Variants in LARP4 observed in about 807,000 individuals in gnomAD.
LARP4 encodes the protein la-related protein 4.
Under a neutral mutation model 92.9 loss-of-function variants are expected in LARP4, and 29 were observed. The ratio of observed to expected loss-of-function variants is 0.31; its 90% CI spans 0.23 to 0.43. The LOEUF (loss-of-function observed/expected upper bound fraction) is 0.43, where lower values mean the gene tolerates loss of function less well. Ranked by LOEUF, LARP4 falls within the 20% of genes least tolerant of loss-of-function variation. The pLI is 1.00. For missense variants in LARP4, 732 were observed against 860.0 expected (o/e 0.85, Z 1.86); for synonymous variants, 279 against 284.1 (o/e 0.98, Z 0.18).
intron 4 of LARP4, among the ~76,000 whole-genome samples, chr12:50,432,644 G>A (rs1949824592): frequency 6.6e-6 from 1 of 152,130 alleles, no homozygotes; most frequent in African/African-American, 2.4e-5. Context: ...CGGATCACCT[G>A]AGGTGAGGAG....
At chr12:50,436,791 A>G (rs891059181) in intron 5 of LARP4, among the ~76,000 whole-genome samples, 1 of 152,246 alleles carries the variant, frequency 6.6e-6, no homozygotes, top group African/African-American at 2.4e-5. Flanking sequence ...TAAATATAGC[A>G]AGTCTGATAA....
chr12:50,433,888 C>A (rs1373195117), intron 4 of LARP4, among the ~76,000 whole-genome samples: 1 of 152,136 alleles, frequency 6.6e-6, no homozygotes, highest in Non-Finnish European at 1.5e-5. Flanking sequence ...GATCCACCCA[C>A]CTTTGCCTCC....
chr12:50,428,593 A>C (rs993579010), intron 2 of LARP4, among the ~76,000 whole-genome samples: 1 of 152,204 alleles, frequency 6.6e-6, no homozygotes, highest in East Asian at 1.9e-4. Context: ...ACCTTGGGCA[A>C]ATAACTTAAT....
At chr12:50,471,088 A>G (rs1212555420) in intron 13 of LARP4, among the ~76,000 whole-genome samples, 1 of 152,158 alleles carries the variant, frequency 6.6e-6, no homozygotes, top group Non-Finnish European at 1.5e-5. Context: ...CAAGAGTTTG[A>G]GACCAGCCTA....
chr12:50,449,978 G>A lies in LARP4; in HGVS notation c.805-3482G>A, dbSNP rs559547005. Among the ~76,000 whole-genome samples, 5 of 113,396 alleles carry A rather than the reference G, an allele frequency of 4.4e-5. No homozygotes were observed. In the Admixed American group the frequency reaches 6.8e-4, roughly 15 times the overall value. The allele number at this position is 113,396 out of a possible 152,430, so 74.4% of individuals were successfully genotyped here. A position where few individuals can be genotyped will look rare whatever the true frequency, so the allele number is the denominator to read the frequency against. On this transcript the variant is annotated intron_variant, in intron 8 of 15. Transcript: ENST00000398473. ...GAGATGGAGTTTTGCTCTGTTGCCA[G>A]ACTGGAGTGCAGTGGCACGATCTCA...
At position 50,429,004 on chromosome 12, in the gene LARP4, C is replaced by T. The variant is rs375805371; in HGVS notation, c.236C>T (p.Thr79Ile). 27 of 1,609,866 alleles carry T rather than the reference C, an allele frequency of 1.7e-5. No homozygotes were observed. In the African/African-American group the frequency reaches 3.2e-4, roughly 19 times the overall value. The stretch of plus-strand genomic sequence containing the variant: ...ATGTATTCTTCATCTTGTGAAACCA[C>T]AAGAAATACTACAGGCATTGAAGAA... The part of the protein sequence containing the change: ...EVMYSSSCET[T>I]RNTTGIEEST... The change falls in exon 3 of 16, where the codon ACA becomes ATA. Residue 79 changes from threonine (T) to isoleucine (I), a missense_variant. Transcript: ENST00000398473.
chr12:50,452,056 C>T (rs757835588), intron 8 of LARP4, among the ~76,000 whole-genome samples: 26 of 152,056 alleles, frequency 1.7e-4, no homozygotes, highest in Non-Finnish European at 3.5e-4. Context: ...GTGTACACCA[C>T]GTTTTCTCCA....
chr12:50,423,097 G>A (rs1022646996), intron 1 of LARP4, among the ~76,000 whole-genome samples: 15 of 152,048 alleles, frequency 9.9e-5, no homozygotes, highest in Non-Finnish European at 1.9e-4. Context: ...TGGGATTACA[G>A]GCGTGAGCCA....
intron 1 of LARP4, chr12:50,412,535 T>C (rs973321886): frequency 4.5e-6 from 2 of 443,152 alleles, no homozygotes; most frequent in African/African-American, 4.3e-5. Context: ...CTCATGGTTC[T>C]GTTACCTTAG....
Position 50,435,515 on chromosome 12 carries a change from G to C in LARP4, c.426G>C (p.Leu142Phe), listed in dbSNP as rs1309862165. Reference protein sequence around the residue: ...SRENLSKDLYLISQMDSDQFI... With the variant: ...SRENLSKDLYFISQMDSDQFI... ...AAAATTTGTCAAAGGATCTTTACTT[G>C]ATATCTCAAATGGATAGTGATCAGT... Residue 142 changes from leucine to phenylalanine, a missense_variant, in exon 5 of 16, where the codon TTG becomes TTC. Leu to Phe is a conservative substitution (Grantham distance 22, BLOSUM62 0). Around this residue, in one of 7 missense-constraint regions of LARP4, gnomAD observed 236 missense variants for 307.6 expected, o/e 0.77. Transcript: ENST00000398473. 1.3e-6 allele frequency: 2 copies of C among 1,565,906 alleles called. No homozygotes were observed. The highest frequency in any genetic ancestry group is 2.7e-5 in the African/African-American group (2 of 74,024).
At chr12:50,461,939 CAG>C (rs922141231) in intron 11 of LARP4, among the ~76,000 whole-genome samples, 1 of 152,030 alleles carries the variant, frequency 6.6e-6, no homozygotes, top group African/African-American at 2.4e-5. Context: ...GCCTGGGTGA[CAG>C]AGCGCGACTC....
chr12:50,441,683 G>C, intron 8 of LARP4, 40 bp downstream of exon 8: 1 of 1,428,608 alleles, frequency 7.0e-7, no homozygotes, highest in South Asian at 1.2e-5. Context: ...AACAGGTTTT[G>C]GTTCTCTGTA....
chr12:50,407,306 G>T lies in LARP4; in HGVS notation c.18+6278G>T, dbSNP rs147108644. Among the ~76,000 whole-genome samples the T allele has an allele frequency of 8.1e-4, 124 of 152,302 alleles. 3 individuals are homozygous for T. In the East Asian group the frequency reaches 0.022, roughly 27 times the overall value. On this transcript the variant is annotated intron_variant, in intron 1 of 15. Transcript: ENST00000398473. The stretch of plus-strand genomic sequence containing the variant: ...CCCAAAGTGCTGGGATTACGGGCGT[G>T]AGCCACTGCGTCTGGCCGAAGCTTT...
chr12:50,401,070 A>C, intron 1 of LARP4, 42 bp downstream of exon 1: 2 of 1,610,552 alleles, frequency 1.2e-6, no homozygotes, highest in Non-Finnish European at 1.7e-6. Context: ...TTAGGAGAGC[A>C]GGAGTGTAGA....
intron 8 of LARP4, among the ~76,000 whole-genome samples, chr12:50,447,799 T>C (rs1016850437): frequency 2.0e-5 from 3 of 152,122 alleles, no homozygotes; most frequent in African/African-American, 2.4e-5. Context: ...TCTTCCCACG[T>C]TGGTCTCCCA....
chr12:50,474,283 TG>T, intron 15 of LARP4, 116 bp downstream of exon 15: 1 of 744,326 alleles, frequency 1.3e-6, no homozygotes, highest in Non-Finnish European at 2.2e-6. Context: ...AAGTTGGGGC[TG>T]ACTATCAGAA....
chr12:50,434,918 G>T (rs1026545227), intron 4 of LARP4, among the ~76,000 whole-genome samples: 1 of 152,060 alleles, frequency 6.6e-6, no homozygotes, highest in Non-Finnish European at 1.5e-5. Flanking sequence ...CGTGATGGCG[G>T]GCGCCTGTAG....
chr12:50,429,058 A>G lies in LARP4; in HGVS notation c.290A>G (p.Glu97Gly). ...ACTGATGGGATGATTTTAGGACCAG[A>G]AGATCTGAGTTACCAAATATATGAT... ...ESTDGMILGP[E>G]DLSYQIYDVS... Residue 97 changes from glutamate to glycine, a missense_variant, in exon 3 of 16, where the codon GAA becomes GGA. Physicochemically the swap from Glu to Gly is moderately conservative, Grantham distance 98. Around this residue, in one of 7 missense-constraint regions of LARP4, gnomAD observed 236 missense variants for 307.6 expected, o/e 0.77. Coordinates refer to ENST00000398473, the MANE Select transcript of LARP4 (RefSeq NM_052879.5). The G allele has an allele frequency of 4.3e-6, 7 of 1,611,718 alleles. No individual in the cohort carries two copies. The highest frequency in any genetic ancestry group is 5.9e-6 in the Non-Finnish European group (7 of 1,179,246).
At chr12:50,424,360 CTT>C (rs1022740121) in intron 1 of LARP4, among the ~76,000 whole-genome samples, 28 of 141,388 alleles carry the variant, frequency 2.0e-4, no homozygotes, top group Non-Finnish European at 1.6e-4. Context: ...ACTGGCTGTC[CTT>C]TTTTTTTTTT....
Sources: allele counts gnomAD v4.1 joint callset (sites outside exome capture counted in the v4.1 genomes callset), GRCh38; gene constraint gnomAD v4.1.1; regional missense constraint gnomAD v4.1.1; transcripts MANE v1.5; gene names NCBI Gene and HGNC (gene_info 2026-07-23, HGNC 2026-07-21).